Variants in MSR1 observed in about 807,000 individuals in gnomAD.
MSR1 encodes the protein macrophage scavenger receptor 1, also known as macrophage scavenger receptor types I and II.
Under a neutral mutation model 47.2 loss-of-function variants are expected in MSR1, and 53 were observed. The observed-to-expected ratio is 1.12, with a 90% CI of 0.90 to 1.41. MSR1 has a LOEUF of 1.41. Ranked by LOEUF, MSR1 falls within the 40% of genes most tolerant of loss-of-function variation. The pLI is 0.00. For synonymous variants in MSR1, 239 were observed against 185.6 expected (o/e 1.29, Z -2.34); for missense variants, 786 against 546.9 (o/e 1.44, Z -4.36).
At chr8:16,154,930 G>C in intron 6 of MSR1, 134 bp downstream of exon 6, 1 of 722,780 alleles carries the variant, frequency 1.4e-6, no homozygotes, top group Non-Finnish European at 2.4e-6. Context: ...ACACATGTGC[G>C]TGCATACACA....
rs757021412 is a variant in MSR1 at position 16,175,188 on chromosome 8, T to G, written c.216A>C (p.Ala72=). ...AVLIPLIGIV[A]AQLLKWETKN... ...TTTCAAAACTCTGGGTTACGTTACC[T>G]GCCACTATTCCAATGAGAGGGATGA... The change falls in exon 3 of 10, where the codon GCA becomes GCC. Residue 72 remains alanine (A), a splice_region_variant and synonymous_variant. Coordinates refer to ENST00000262101, the MANE Select transcript of MSR1 (RefSeq NM_138715.3). 2.1e-5 allele frequency: 34 copies of G among 1,613,152 alleles called. No homozygotes were observed. Among genetic ancestry groups the G allele is most frequent in the Non-Finnish European group, 2.7e-5 (32 of 1,179,250 alleles).
chr8:16,132,361 T>C (rs1018685936), intron 8 of MSR1, among the ~76,000 whole-genome samples: 1 of 152,154 alleles, frequency 6.6e-6, no homozygotes, highest in Non-Finnish European at 1.5e-5. Flanking sequence ...TTTGTTGAAG[T>C]TGTTTATCAG....
chr8:16,157,074 A>G (rs1247441745), intron 5 of MSR1, among the ~76,000 whole-genome samples: 2 of 152,026 alleles, frequency 1.3e-5, no homozygotes, highest in East Asian at 1.9e-4. Flanking sequence ...CAAGGATGGT[A>G]TTTTGAAAAA....
chr8:16,169,201 G>A (rs1363582663), intron 3 of MSR1, among the ~76,000 whole-genome samples: 1 of 152,178 alleles, frequency 6.6e-6, no homozygotes, highest in Admixed American at 6.5e-5. Flanking sequence ...GAAAGGCTAT[G>A]TGTCTACAGA....
chr8:16,129,492 C>A (rs1267953707), intron 8 of MSR1, among the ~76,000 whole-genome samples: 1 of 151,998 alleles, frequency 6.6e-6, no homozygotes, highest in African/African-American at 2.4e-5. Flanking sequence ...ATGTCTGTAA[C>A]CCCAGCACTT....
At chr8:16,136,666 G>T (rs1800397965) in intron 8 of MSR1, among the ~76,000 whole-genome samples, 1 of 152,066 alleles carries the variant, frequency 6.6e-6, no homozygotes, top group African/African-American at 2.4e-5. Flanking sequence ...GCAGTGGCAT[G>T]ATCTCAGCTC....
intron 9 of MSR1, among the ~76,000 whole-genome samples, chr8:16,118,976 T>C (rs1027106502): frequency 6.6e-6 from 1 of 152,132 alleles, no homozygotes; most frequent in Non-Finnish European, 1.5e-5. Flanking sequence ...GTTCTAAATA[T>C]GGGACAGGGA....
chr8:16,135,460 GA>G lies in MSR1; in HGVS notation c.1033+8097del, dbSNP rs368761367. Among the ~76,000 whole-genome samples, 27 of 151,982 alleles carry G rather than the reference GA, an allele frequency of 1.8e-4. No homozygotes were observed. In the East Asian group the frequency reaches 3.9e-3, roughly 22 times the overall value. ...TCTTACTGTTGAGACTTATTGCTGA[GA>G]AAAAAAATCCTTTTAAAATATTACT... On this transcript the variant is annotated intron_variant, in intron 8 of 9. Coordinates refer to ENST00000262101, the MANE Select transcript of MSR1 (RefSeq NM_138715.3).
At chr8:16,117,680 G>T (rs999431120) in intron 9 of MSR1, among the ~76,000 whole-genome samples, 1 of 152,034 alleles carries the variant, frequency 6.6e-6, no homozygotes, top group African/African-American at 2.4e-5. Flanking sequence ...GTGAAGCAGG[G>T]TTTTCTACAG....
chr8:16,164,389 A>G, intron 4 of MSR1, 138 bp from the exon 5 acceptor site: 1 of 695,948 alleles, frequency 1.4e-6, no homozygotes. Context: ...AGAAATTAGA[A>G]AACTGTTTTG....
Position 16,168,964 on chromosome 8 carries a change from C to G in MSR1, c.218-94G>C, listed in dbSNP as rs1801404526. On this transcript the variant is annotated intron_variant, in intron 3 of 9. Transcript: ENST00000262101. Reference sequence around the variant, plus strand: ...ATCATTCCATTCCGTTCATTTTATTCCATTCCATTCCAACATTTTGAATGC... The same window carrying G: ...ATCATTCCATTCCGTTCATTTTATTGCATTCCATTCCAACATTTTGAATGC... 6 of 1,254,762 alleles carry G rather than the reference C, an allele frequency of 4.8e-6. No individual in the cohort carries two copies. In the Admixed American group the frequency reaches 7.6e-5, roughly 16 times the overall value. 77.7% of individuals were successfully genotyped at this position (1,254,762 alleles called of 1,614,324 possible).
At chr8:16,160,321 T>A (rs1371189189) in intron 5 of MSR1, among the ~76,000 whole-genome samples, 2 of 151,972 alleles carry the variant, frequency 1.3e-5, no homozygotes, top group Non-Finnish European at 2.9e-5. Context: ...ATAAAATAAT[T>A]AAAATTGATA....
intron 1 of MSR1, among the ~76,000 whole-genome samples, chr8:16,187,364 C>CAAAAAAAAAAAAAAAAAAAA (rs751848634): frequency 1.1e-4 from 4 of 35,416 alleles, no homozygotes; most frequent in African/African-American, 3.6e-4. Flanking sequence ...ACTCTGTCTC[C>CAAAAAAAAAAAAAAAAAAAA]AAAAAAAAAA....
intron 7 of MSR1, among the ~76,000 whole-genome samples, chr8:16,143,894 T>C (rs1177047583): frequency 2.6e-5 from 4 of 152,156 alleles, no homozygotes; most frequent in Non-Finnish European, 5.9e-5. Context: ...TGTACTTATT[T>C]ATCCTCCTTT....
intron 8 of MSR1, among the ~76,000 whole-genome samples, chr8:16,125,714 A>G (rs1242864748): frequency 1.3e-5 from 2 of 152,144 alleles, no homozygotes; most frequent in South Asian, 2.1e-4. Context: ...GAAGACAGGT[A>G]GACATACTGG....
intron 1 of MSR1, among the ~76,000 whole-genome samples, chr8:16,188,188 A>G (rs559729607): frequency 6.2e-4 from 94 of 152,306 alleles, no homozygotes; most frequent in African/African-American, 2.1e-3. Context: ...CAAGTGGATG[A>G]AAAGTTTACA....
chr8:16,128,159 T>C (rs1800172339), intron 8 of MSR1, among the ~76,000 whole-genome samples: 1 of 152,130 alleles, frequency 6.6e-6, no homozygotes, highest in African/African-American at 2.4e-5. Context: ...CAAAGAAAAC[T>C]GAATTCATCC....
In MSR1 at chr8:16,178,031, A is replaced by G. The variant is rs569067862; in HGVS notation, c.-4-39T>C. The G allele has an allele frequency of 7.6e-5, 112 of 1,469,494 alleles. 1 individual carries two copies. In the South Asian group the frequency reaches 1.3e-3, roughly 17 times the overall value. 91.0% of individuals were successfully genotyped at this position (1,469,494 alleles called of 1,614,324 possible). On this transcript the variant is annotated intron_variant, in intron 1 of 9. Transcript: ENST00000262101. ...TGGAAAAATATATTAATTCCACATG[A>G]AATGGCTAGGGCTCTTTTGCATAAT...
chr8:16,144,156 C>T lies in MSR1; in HGVS notation c.980-545G>A, dbSNP rs568310052. ...ACCTTTGGTTTTGAGAAACCTCACC[C>T]ATTTATACAGGGGTGTGGTACAAAT... On this transcript the variant is annotated intron_variant, in intron 7 of 9. Transcript: ENST00000262101. Among the ~76,000 whole-genome samples, 4 of 152,160 alleles carry T rather than the reference C, an allele frequency of 2.6e-5. No homozygotes were observed. The South Asian group carries it at 8.3e-4, about 32-fold the overall frequency.
Sources: gnomAD v4.1 joint callset for allele counts (sites outside exome capture counted in the v4.1 genomes callset) on GRCh38, gnomAD v4.1.1 for gene constraint, MANE v1.5 for transcripts, NCBI Gene and HGNC (gene_info 2026-07-23, HGNC 2026-07-21) for gene names.